Variants in NGEF observed in about 807,000 individuals in gnomAD.
NGEF encodes the protein neuronal guanine nucleotide exchange factor, also known as ephexin-1.
A neutral mutation model predicts 80.9 loss-of-function variants in NGEF; 31 were observed. The observed-to-expected ratio is 0.38, with a 90% CI of 0.29 to 0.52. NGEF has a LOEUF of 0.52. NGEF is among the 20% of genes least tolerant of loss of function. The pLI, the probability that NGEF is intolerant of heterozygous loss-of-function variation, is 0.84. For synonymous variants in NGEF, 371 were observed against 370.2 expected, an observed-to-expected ratio of 1.00 and a Z score of -0.03; for missense variants, 709 against 926.2, an observed-to-expected ratio of 0.77 and a Z score of 3.04.
chr2:232,888,221 T>TGC, intron 8 of NGEF, 114 bp from the exon 9 acceptor site: 1 of 704,924 alleles, frequency 1.4e-6, no homozygotes, highest in Non-Finnish European at 2.4e-6. Flanking sequence ...TGCTGCAGCA[T>TGC]GCACACACAC....
At chr2:232,944,333 C>A (rs1018382126) in intron 3 of NGEF, among the ~76,000 whole-genome samples, 3 of 152,184 alleles carry the variant, frequency 2.0e-5, no homozygotes, top group African/African-American at 7.2e-5. Context: ...TGCAGACACA[C>A]ACTCTGAAAT....
intron 1 of NGEF, among the ~76,000 whole-genome samples, chr2:232,997,786 CG>C (rs1694884549): frequency 6.6e-6 from 1 of 152,128 alleles, no homozygotes; most frequent in Non-Finnish European, 1.5e-5. Context: ...CTCTCCTGCT[CG>C]GGGGTGTTAG....
intron 3 of NGEF, among the ~76,000 whole-genome samples, chr2:232,959,078 C>T (rs1693891904): frequency 6.6e-6 from 1 of 152,224 alleles, no homozygotes; most frequent in Non-Finnish European, 1.5e-5. Flanking sequence ...ACCCCCTCCC[C>T]ACAGTGTGTT....
At chr2:232,993,155 A>ATAAATATATATATTATT (rs1694692944) in intron 1 of NGEF, among the ~76,000 whole-genome samples, 1 of 32,374 alleles carries the variant, frequency 3.1e-5, no homozygotes, top group African/African-American at 1.4e-4. Flanking sequence ...ATATGGGCAA[A>ATAAATATATATATTATT]TATATATATA....
At chr2:233,003,767 C>T (rs1054075818) in intron 1 of NGEF, among the ~76,000 whole-genome samples, 2 of 152,138 alleles carry the variant, frequency 1.3e-5, no homozygotes, top group Admixed American at 1.3e-4. Context: ...AAGTGCCAAG[C>T]TGAGGCCATC....
chr2:232,952,776 TG>T (rs1305413956), intron 3 of NGEF, among the ~76,000 whole-genome samples: 1 of 149,188 alleles, frequency 6.7e-6, no homozygotes, highest in Non-Finnish European at 1.5e-5. Context: ...GAGACCAGCC[TG>T]GCCAATATGG....
chr2:233,005,226 C>T (rs774332711), intron 1 of NGEF, among the ~76,000 whole-genome samples: 14 of 152,320 alleles, frequency 9.2e-5, no homozygotes, highest in Non-Finnish European at 1.6e-4. Flanking sequence ...CTATGGGGCT[C>T]TGAGTGCCCC....
chr2:232,923,502 G>A (rs183561562), intron 4 of NGEF, among the ~76,000 whole-genome samples: 2 of 151,564 alleles, frequency 1.3e-5, no homozygotes, highest in East Asian at 2.0e-4. Flanking sequence ...TTGGGAGGCC[G>A]AGGCAGGCAG....
At chr2:232,929,666 G>GA (rs1693179714) in intron 3 of NGEF, among the ~76,000 whole-genome samples, 1 of 152,162 alleles carries the variant, frequency 6.6e-6, no homozygotes, top group Non-Finnish European at 1.5e-5. Flanking sequence ...GTATCTCCAG[G>GA]CAGCCACCTC....
chr2:232,908,544 T>C (rs1434989349), intron 5 of NGEF, among the ~76,000 whole-genome samples: 1 of 151,934 alleles, frequency 6.6e-6, no homozygotes, highest in Non-Finnish European at 1.5e-5. Flanking sequence ...CATGTAGTCA[T>C]TGGCCATTTG....
chr2:232,926,909 A>C, intron 4 of NGEF, 135 bp downstream of exon 4: 1 of 1,166,754 alleles, frequency 8.6e-7, no homozygotes, highest in Non-Finnish European at 1.2e-6. Flanking sequence ...CAAACATGTC[A>C]AAAGCTTTCC....
At chr2:232,902,288 ATCCTCCTTC>A (rs1247619369) in intron 5 of NGEF, among the ~76,000 whole-genome samples, 1 of 152,212 alleles carries the variant, frequency 6.6e-6, no homozygotes, top group Non-Finnish European at 1.5e-5. Flanking sequence ...CTCAAAGGCT[ATCCTCCTTC>A]TGCAGACAAT....
intron 1 of NGEF, among the ~76,000 whole-genome samples, chr2:233,010,975 C>T (rs937057257): frequency 1.3e-5 from 2 of 152,014 alleles, no homozygotes; most frequent in South Asian, 2.1e-4. Flanking sequence ...GGCTTAGGTG[C>T]GGGGAGAAGG....
At chr2:232,999,592 G>C (rs1694927298) in intron 1 of NGEF, among the ~76,000 whole-genome samples, 1 of 152,258 alleles carries the variant, frequency 6.6e-6, no homozygotes, top group Non-Finnish European at 1.5e-5. Context: ...ATGAGCCAGA[G>C]GGAGAGAGCT....
At chr2:232,962,957 C>T (rs1015216097) in intron 3 of NGEF, among the ~76,000 whole-genome samples, 2 of 151,826 alleles carry the variant, frequency 1.3e-5, no homozygotes, top group South Asian at 2.1e-4. Flanking sequence ...AGCTAGTTAA[C>T]GTATGCATTA....
intron 5 of NGEF, among the ~76,000 whole-genome samples, chr2:232,899,829 T>C (rs2106245807): frequency 3.3e-5 from 4 of 119,818 alleles, no homozygotes; most frequent in Admixed American, 8.8e-5. Context: ...CATATACACG[T>C]TCACTCACAT....
intron 13 of NGEF, among the ~76,000 whole-genome samples, 165 bp downstream of exon 13, chr2:232,882,021 G>A (rs1691520339): frequency 6.6e-6 from 1 of 152,194 alleles, no homozygotes. Flanking sequence ...GTTATTGGCC[G>A]GTACTAAGTT....
chr2:233,007,935 A>C (rs1695119447), intron 1 of NGEF, among the ~76,000 whole-genome samples: 1 of 152,214 alleles, frequency 6.6e-6, no homozygotes, highest in South Asian at 2.1e-4. Context: ...TTTAAAGTCC[A>C]AAGCTAATTT....
chr2:232,918,332 C>T lies in NGEF; in HGVS notation c.828+1952G>A, dbSNP rs954572031. ...GCCAGGGTGGTCTTGAACTCTTGAC[C>T]TCAGGTGATCTGCCCACCCCGGCCT... On this transcript the variant is annotated intron_variant, in intron 5 of 14. Coordinates refer to ENST00000264051, the MANE Select transcript of NGEF (RefSeq NM_019850.3). 4.6e-5 allele frequency among the ~76,000 whole-genome samples: 7 copies of T among 152,170 alleles called. No homozygotes were observed. In the East Asian group the frequency reaches 1.2e-3, roughly 25 times the overall value.
Sources: allele counts gnomAD v4.1 joint callset (sites outside exome capture counted in the v4.1 genomes callset), GRCh38; gene constraint gnomAD v4.1.1; transcripts MANE v1.5; gene names NCBI Gene and HGNC (gene_info 2026-07-23, HGNC 2026-07-21).